The following KALRN variants were observed in gnomAD, a reference collection of about 807,000 sequenced individuals.
KALRN encodes kalirin.
KALRN carries 70 observed loss-of-function variants against 353.7 expected under a neutral mutation model. The observed-to-expected ratio is 0.20, with a 90% confidence interval of 0.16 to 0.24. The LOEUF (loss-of-function observed/expected upper bound fraction) is 0.24. Ranked by LOEUF, KALRN falls within the 10% of genes least tolerant of loss-of-function variation. The pLI, the probability that KALRN is intolerant of heterozygous loss-of-function variation, is 1.00. For missense variants in KALRN, 2,791 were observed against 3,756.7 expected (o/e 0.74, Z 6.72); for synonymous variants, 1,391 against 1,434.8 (o/e 0.97, Z 0.69).
chr3:124,674,064 A>G (rs73195567), intron 48 of KALRN, among the ~76,000 whole-genome samples: 3,998 of 152,254 alleles, frequency 0.026, 72 homozygotes, highest in East Asian at 0.079. Context: ...CACTTGTAAG[A>G]GAACGCTGGC....
Position 124,413,457 on chromosome 3 carries a change from G to T in KALRN, c.2347-13G>T. The T allele has an allele frequency of 1.2e-6, 2 of 1,612,162 alleles. No homozygotes were observed. Among genetic ancestry groups the T allele is most frequent in the Non-Finnish European group, 1.7e-6 (2 of 1,178,790 alleles). On this transcript the variant is annotated splice_polypyrimidine_tract_variant and intron_variant, in intron 13 of 59. Coordinates refer to ENST00000682506, the MANE Select transcript of KALRN (RefSeq NM_001388419.1). ...CTGGTGAGCCTGTGCTGATGACAGTGGTTCCCTCACAGGTGACAGCAGAGC... is the reference window on the plus strand; with the variant it reads ...CTGGTGAGCCTGTGCTGATGACAGTTGTTCCCTCACAGGTGACAGCAGAGC...
At chr3:124,637,612 T>C (rs989279446) in intron 37 of KALRN, among the ~76,000 whole-genome samples, 1 of 152,118 alleles carries the variant, frequency 6.6e-6, no homozygotes, top group Non-Finnish European at 1.5e-5. Flanking sequence ...CAGTGATTGA[T>C]ATGTATTTGG....
At chr3:124,696,996 T>C (rs969085511) in intron 54 of KALRN, among the ~76,000 whole-genome samples, 2 of 151,986 alleles carry the variant, frequency 1.3e-5, no homozygotes, top group Non-Finnish European at 2.9e-5. Context: ...CACCACTCAC[T>C]GCAGCCTCAA....
chr3:124,579,649 C>A (rs193238171), intron 34 of KALRN, among the ~76,000 whole-genome samples: 1 of 152,146 alleles, frequency 6.6e-6, no homozygotes, highest in East Asian at 1.9e-4. Context: ...TCATGGGAAA[C>A]CTACCTCTCT....
At chr3:124,077,629 C>A (rs2060321907) in intron 1 of KALRN, among the ~76,000 whole-genome samples, 2 of 152,194 alleles carry the variant, frequency 1.3e-5, no homozygotes, top group African/African-American at 4.8e-5. Context: ...TCTACCGCCA[C>A]TCTCCAGTTC....
chr3:124,103,481 C>T (rs2062035832), intron 1 of KALRN, among the ~76,000 whole-genome samples: 1 of 152,144 alleles, frequency 6.6e-6, no homozygotes, highest in Admixed American at 6.5e-5. Context: ...TTGCTCTTCA[C>T]CTTGTGGACA....
chr3:124,323,766 A>G (rs1483902403), intron 6 of KALRN, among the ~76,000 whole-genome samples: 1 of 152,202 alleles, frequency 6.6e-6, no homozygotes, highest in Non-Finnish European at 1.5e-5. Context: ...AAAAACCTAG[A>G]TAGATCTGGG....
chr3:124,517,222 G>C (rs573241587), intron 33 of KALRN, among the ~76,000 whole-genome samples: 1 of 152,248 alleles, frequency 6.6e-6, no homozygotes, highest in South Asian at 2.1e-4. Context: ...ATAGCTCCTG[G>C]CTTTCTTCAG....
intron 28 of KALRN, among the ~76,000 whole-genome samples, chr3:124,485,622 A>G (rs536789136): frequency 2.6e-5 from 4 of 152,326 alleles, no homozygotes; most frequent in African/African-American, 9.6e-5. Context: ...GCTCACACCT[A>G]TAATCCCAGC....
At chr3:124,133,730 T>C (rs1470863474) in intron 1 of KALRN, among the ~76,000 whole-genome samples, 1 of 152,224 alleles carries the variant, frequency 6.6e-6, no homozygotes, top group East Asian at 1.9e-4. Context: ...TCCAGAGATC[T>C]CATCCTGAGC....
At chr3:124,205,490 C>T (rs776198940) in intron 1 of KALRN, among the ~76,000 whole-genome samples, 13 of 152,172 alleles carry the variant, frequency 8.5e-5, no homozygotes, top group Non-Finnish European at 1.8e-4. Context: ...ACAATAATAT[C>T]TATCTCATGA....
intron 5 of KALRN, among the ~76,000 whole-genome samples, chr3:124,293,214 G>T (rs556480190): frequency 4.9e-4 from 74 of 152,316 alleles, no homozygotes; most frequent in Admixed American, 1.2e-3. Flanking sequence ...GCCATTGGTT[G>T]TCTTGTGTCC....
Position 124,462,613 on chromosome 3 carries a change from G to C in KALRN, c.4011G>C (p.Glu1337Asp). 2 of 1,606,546 alleles carry C rather than the reference G, an allele frequency of 1.2e-6. No homozygotes were observed. Among genetic ancestry groups the C allele is most frequent in the Non-Finnish European group, 1.7e-6 (2 of 1,173,224 alleles). Residue 1337 changes from glutamate to aspartate, a missense_variant, in exon 25 of 60, where the codon GAG (glutamate) becomes GAC (aspartate). Transcript: ENST00000682506. The part of the protein sequence containing the change: ...KEHIIFGNIQ[E>D]IYDFHNNIFL... ...ATATCATCTTTGGCAACATCCAAGA[G>C]ATCTACGATTTCCATAACAAGTAGG...
chr3:124,278,346 G>T (rs2074987417), intron 5 of KALRN, among the ~76,000 whole-genome samples: 1 of 152,042 alleles, frequency 6.6e-6, no homozygotes, highest in Non-Finnish European at 1.5e-5. Flanking sequence ...GTATGTATGG[G>T]AGAAAAAGCA....
At chr3:124,581,706 GAGGGATTGGGTGGGTAAACCAAATATTGA>G (rs2074649882) in intron 34 of KALRN, among the ~76,000 whole-genome samples, 1 of 152,204 alleles carries the variant, frequency 6.6e-6, no homozygotes. Flanking sequence ...TGTAAAAAGA[GAGGGATTGGGTGGGTAAACCAAATATTGA>G]ACCTTGGACC....
chr3:124,714,669 G>A (rs1163310435), intron 58 of KALRN, among the ~76,000 whole-genome samples: 1 of 152,150 alleles, frequency 6.6e-6, no homozygotes, highest in East Asian at 1.9e-4. Context: ...CAGGGTCGGG[G>A]GAACAAAGTT....
chr3:124,155,851 A>C (rs763105295), intron 1 of KALRN, among the ~76,000 whole-genome samples: 15 of 152,202 alleles, frequency 9.9e-5, no homozygotes, highest in Non-Finnish European at 1.8e-4. Flanking sequence ...TGAGTGCAGA[A>C]TTAGACACAC....
At chr3:124,164,145 C>G (rs1173880072) in intron 1 of KALRN, 4 of 194,148 alleles carry the variant, frequency 2.1e-5, no homozygotes, top group Admixed American at 2.0e-4. Flanking sequence ...TATAAAATCT[C>G]TGTGCACTGC....
At position 124,462,612 on chromosome 3, in the gene KALRN, A is replaced by G. The variant is rs1447772363; in HGVS notation, c.4010A>G (p.Glu1337Gly). The G allele has an allele frequency of 3.1e-6, 5 of 1,606,602 alleles. No homozygotes were observed. The highest frequency in any genetic ancestry group is 4.3e-6 in the Non-Finnish European group (5 of 1,173,362). The change falls in exon 25 of 60, where the codon GAG becomes GGG. Residue 1337 changes from glutamate to glycine, a missense_variant. Glu to Gly is a moderately conservative substitution (Grantham distance 98). Transcript: ENST00000682506. ...CATATCATCTTTGGCAACATCCAAG[A>G]GATCTACGATTTCCATAACAAGTAG... is the stretch of plus-strand genomic sequence containing the variant. ...KEHIIFGNIQ[E>G]IYDFHNNIFL...
Sources: gnomAD v4.1 joint callset for allele counts (sites outside exome capture counted in the v4.1 genomes callset) on GRCh38, gnomAD v4.1.1 for gene constraint, MANE v1.5 for transcripts, NCBI Gene and HGNC (gene_info 2026-07-23, HGNC 2026-07-21) for gene names.